The following CTNNA2 variants were observed in gnomAD, a reference collection of about 807,000 sequenced individuals.
CTNNA2 encodes the protein catenin alpha 2, also known as catenin alpha-2.
CTNNA2 carries 42 observed loss-of-function variants against 101.0 expected under a neutral mutation model. The ratio of observed to expected loss-of-function variants is 0.42; its 90% CI spans 0.32 to 0.54. CTNNA2 has a LOEUF of 0.54. CTNNA2 is among the 20% of genes least tolerant of loss of function. The pLI is 0.14. For missense variants in CTNNA2, 871 were observed against 1,223.1 expected, an observed-to-expected ratio of 0.71 and a Z score of 4.29; for synonymous variants, 450 against 456.4, an observed-to-expected ratio of 0.99 and a Z score of 0.18.
intron 4 of CTNNA2, among the ~76,000 whole-genome samples, chr2:79,490,320 G>A (rs1296042476): frequency 6.6e-6 from 1 of 152,050 alleles, no homozygotes; most frequent in East Asian, 1.9e-4. Context: ...CATTTCTGAG[G>A]TGGGTTTTCA....
intron 2 of CTNNA2, among the ~76,000 whole-genome samples, chr2:79,665,279 C>CA (rs1682335439): frequency 6.6e-6 from 1 of 152,174 alleles, no homozygotes; most frequent in Non-Finnish European, 1.5e-5. Context: ...GCTCTGCTCT[C>CA]AGACCTTGTG....
intron 3 of CTNNA2, among the ~76,000 whole-genome samples, chr2:79,322,719 G>A (rs985188885): frequency 6.6e-6 from 1 of 152,094 alleles, no homozygotes; most frequent in Non-Finnish European, 1.5e-5. Context: ...TGAGAGGTTG[G>A]GAGGGAAGAC....
intron 9 of CTNNA2, among the ~76,000 whole-genome samples, chr2:80,422,898 A>G (rs1680656780): frequency 6.6e-6 from 1 of 152,108 alleles, no homozygotes; most frequent in African/African-American, 2.4e-5. Context: ...TCATATGACT[A>G]TTTAATTTTT....
chr2:80,043,260 C>T (rs12623173), intron 7 of CTNNA2, among the ~76,000 whole-genome samples: 120,424 of 141,090 alleles, frequency 0.85, 51,775 homozygotes, highest in East Asian at 0.98. Flanking sequence ...TGCAGTCACG[C>T]GATCTTGGCT....
chr2:80,302,288 G>T lies in CTNNA2; in HGVS notation c.1057-90923G>T. 1 of 1,613,962 alleles carries T rather than the reference G, an allele frequency of 6.2e-7. No individual in the cohort carries two copies. Among genetic ancestry groups the T allele is most frequent in the Non-Finnish European group, 8.5e-7 (1 of 1,179,974 alleles). On this transcript the variant is annotated intron_variant, in intron 7 of 18. Coordinates refer to ENST00000402739, the MANE Select transcript of CTNNA2 (RefSeq NM_001282597.3). The surrounding 1 kb of genome is among the most constrained non-coding windows in gnomAD (Gnocchi z 6.4). ...TTCCCTCGCGGGCTGCTGGTGGCAGGTACACGAGCCATACTCGTTGATGAT... is the reference window on the plus strand; with the variant it reads ...TTCCCTCGCGGGCTGCTGGTGGCAGTTACACGAGCCATACTCGTTGATGAT...
intron 7 of CTNNA2, among the ~76,000 whole-genome samples, chr2:80,108,451 G>A (rs1701018854): frequency 6.6e-6 from 1 of 152,160 alleles, no homozygotes; most frequent in African/African-American, 2.4e-5. Flanking sequence ...ATGGCAAATA[G>A]CTATGCTGCC....
chr2:79,758,977 T>C (rs1343385653), intron 3 of CTNNA2, among the ~76,000 whole-genome samples: 2 of 152,142 alleles, frequency 1.3e-5, no homozygotes, highest in Non-Finnish European at 2.9e-5. Flanking sequence ...TTTGAAGTGA[T>C]ATATAGGCAA....
intron 2 of CTNNA2, among the ~76,000 whole-genome samples, chr2:79,306,523 T>A (rs1178295024): frequency 6.6e-6 from 1 of 152,256 alleles, no homozygotes; most frequent in Non-Finnish European, 1.5e-5. Context: ...TTCTTTTGAC[T>A]GATGAATAAC....
chr2:80,631,743 T>G (rs1483729747), intron 18 of CTNNA2, among the ~76,000 whole-genome samples: 1 of 152,170 alleles, frequency 6.6e-6, no homozygotes, highest in South Asian at 2.1e-4. Flanking sequence ...CTGTGGTATA[T>G]TGATAAATGC....
intron 7 of CTNNA2, among the ~76,000 whole-genome samples, chr2:80,346,126 G>A (rs918337620): frequency 1.3e-4 from 20 of 152,046 alleles, no homozygotes; most frequent in African/African-American, 3.9e-4. Context: ...ACTTAATTTC[G>A]CTAGCATAAT....
intron 1 of CTNNA2, among the ~76,000 whole-genome samples, chr2:79,187,958 C>T (rs1403493966): frequency 6.6e-6 from 1 of 151,986 alleles, no homozygotes; most frequent in Non-Finnish European, 1.5e-5. Context: ...CTTCAACTAG[C>T]CTCAGACTTA....
chr2:80,099,004 C>A (rs567940653), intron 7 of CTNNA2, among the ~76,000 whole-genome samples: 1 of 151,940 alleles, frequency 6.6e-6, no homozygotes, highest in Non-Finnish European at 1.5e-5. Flanking sequence ...GTGCATTGCA[C>A]CCACTGTCCT....
chr2:79,641,564 A>G (rs17017387), intron 1 of CTNNA2, among the ~76,000 whole-genome samples: 6,123 of 152,220 alleles, frequency 0.04, 395 homozygotes, highest in African/African-American at 0.14. Flanking sequence ...AACAATGTTA[A>G]CCTTTGGTCA....
At chr2:79,731,715 C>T (rs1687206431) in intron 2 of CTNNA2, among the ~76,000 whole-genome samples, 1 of 151,950 alleles carries the variant, frequency 6.6e-6, no homozygotes, top group African/African-American at 2.4e-5. Context: ...TTCATTTGGG[C>T]TGGAAGTATT....
At chr2:80,499,801 A>T (rs7582248) in intron 9 of CTNNA2, among the ~76,000 whole-genome samples, 36,525 of 151,980 alleles carry the variant, frequency 0.24, 4,616 homozygotes, top group South Asian at 0.37. Context: ...AGCCTGGGTG[A>T]CAACGTGAGA....
chr2:80,139,548 G>A (rs576200338), intron 7 of CTNNA2, among the ~76,000 whole-genome samples: 13 of 152,160 alleles, frequency 8.5e-5, no homozygotes, highest in Non-Finnish European at 1.9e-4. Context: ...TTATGTATGT[G>A]TTTGTATGTG....
intron 7 of CTNNA2, among the ~76,000 whole-genome samples, chr2:80,289,408 C>T (rs1387762804): frequency 6.6e-6 from 1 of 152,090 alleles, no homozygotes; most frequent in Non-Finnish European, 1.5e-5. Flanking sequence ...CCAGTTCTCG[C>T]CTCTTTAGAG....
chr2:79,459,784 A>T (rs1670858967), intron 4 of CTNNA2, among the ~76,000 whole-genome samples: 1 of 151,924 alleles, frequency 6.6e-6, no homozygotes, highest in African/African-American at 2.4e-5. Context: ...CTGGCCCTTG[A>T]TTTTTCTTCA....
chr2:79,364,671 A>G lies in CTNNA2; in HGVS notation c.-317-9160A>G, dbSNP rs180851602. Among the ~76,000 whole-genome samples the G allele has an allele frequency of 3.6e-3, 547 of 152,288 alleles. 5 individuals carry two copies. Among genetic ancestry groups the G allele is most frequent in the Middle Eastern group, 0.01 (3 of 294 alleles). On this transcript the variant is annotated intron_variant, in intron 3 of 21. Transcript: ENST00000466387. ...TAAAAATTTCAAAAATTTCAAAGACAATCTTATCTAGGCTTCACTGAAGCC... is the reference window on the plus strand; with the variant it reads ...TAAAAATTTCAAAAATTTCAAAGACGATCTTATCTAGGCTTCACTGAAGCC...
Sources: gnomAD v4.1 joint callset for allele counts (sites outside exome capture counted in the v4.1 genomes callset) on GRCh38, gnomAD v4.1.1 for gene constraint, Gnocchi (gnomAD v3.1) non-coding constraint, MANE v1.5 for transcripts, NCBI Gene and HGNC (gene_info 2026-07-23, HGNC 2026-07-21) for gene names.